CNKSR3: variants seen among roughly 807,000 people sequenced by gnomAD.
CNKSR3 encodes connector enhancer of kinase suppressor of ras 3.
CNKSR3 carries 36 observed loss-of-function variants against 67.7 expected under a neutral mutation model. That is an observed-to-expected ratio of 0.53 (90% CI 0.41 to 0.70). The LOEUF (loss-of-function observed/expected upper bound fraction) is 0.70. Ranked by LOEUF, CNKSR3 falls within the 30% of genes least tolerant of loss-of-function variation. CNKSR3 has a pLI of 0.00. For synonymous variants in CNKSR3, 281 were observed against 271.4 expected, an observed-to-expected ratio of 1.04 and a Z score of -0.35; for missense variants, 630 against 695.2, an observed-to-expected ratio of 0.91 and a Z score of 1.05.
intron 2 of CNKSR3, among the ~76,000 whole-genome samples, chr6:154,448,792 C>T (rs993289848): frequency 4.6e-5 from 7 of 152,210 alleles, no homozygotes; most frequent in African/African-American, 1.7e-4. Flanking sequence ...GAAGAATACA[C>T]ACAATGCAGC....
intron 9 of CNKSR3, among the ~76,000 whole-genome samples, chr6:154,415,227 C>CCTTTTTTTTTTTTTTTTTTTTTTTTTTT (rs773533317): frequency 2.7e-5 from 3 of 112,768 alleles, no homozygotes; most frequent in Non-Finnish European, 5.2e-5. Context: ...ACTAGCTGCC[C>CCTTTTTTTTTTTTTTTTTTTTTTTTTTT]ATTTTTTTTT....
chr6:154,448,908 G>T (rs1785764968), intron 2 of CNKSR3, among the ~76,000 whole-genome samples: 1 of 152,142 alleles, frequency 6.6e-6, no homozygotes, highest in Non-Finnish European at 1.5e-5. Context: ...CCCTGGCTGG[G>T]GTTCAGGGCA....
chr6:154,499,624 G>GT (rs201004872), intron 1 of CNKSR3, among the ~76,000 whole-genome samples: 16 of 152,172 alleles, frequency 1.1e-4, no homozygotes, highest in Non-Finnish European at 1.9e-4. Flanking sequence ...TCTCTACCGG[G>GT]TTTTTTTAAT....
intron 2 of CNKSR3, among the ~76,000 whole-genome samples, chr6:154,444,380 C>G (rs1474998978): frequency 1.3e-5 from 2 of 152,180 alleles, no homozygotes; most frequent in African/African-American, 4.8e-5. Flanking sequence ...TAGTGCTGAG[C>G]TTTTGACCAA....
chr6:154,480,412 C>A (rs551799814), intron 1 of CNKSR3, among the ~76,000 whole-genome samples: 1 of 152,138 alleles, frequency 6.6e-6, no homozygotes. Context: ...CTCTGCTTTC[C>A]CCCTACAGCA....
intron 2 of CNKSR3, among the ~76,000 whole-genome samples, chr6:154,447,528 T>C (rs1374514904): frequency 6.6e-6 from 1 of 152,184 alleles, no homozygotes; most frequent in African/African-American, 2.4e-5. Context: ...CCAAAGTCAA[T>C]GTTCACAAAA....
At position 154,389,054 on chromosome 6, in the gene CNKSR3, C is replaced by T. The variant is rs941685730; in HGVS notation, c.*17300G>A. 6.6e-6 allele frequency: 1 copy of T among 151,356 alleles called. No homozygotes were observed. Among genetic ancestry groups the T allele is most frequent in the East Asian group, 1.9e-4 (1 of 5,162 alleles). 9.4% of individuals were successfully genotyped at this position (151,356 alleles called of 1,614,324 possible). On this transcript the variant is annotated 3_prime_UTR_variant, in exon 13 of 13. Transcript: ENST00000607772. ...TCCCATTTCATAGGTTTTCTTTTCA[C>T]TCTGTTGATTGTTGCCTTTGCTGTG... is the stretch of plus-strand genomic sequence containing the variant.
At chr6:154,408,553 A>G (rs796705476) in intron 12 of CNKSR3, among the ~76,000 whole-genome samples, 3 of 152,358 alleles carry the variant, frequency 2.0e-5, no homozygotes, top group East Asian at 1.9e-4. Flanking sequence ...CACATGTTGC[A>G]TAAGTCTATT....
chr6:154,485,395 A>T (rs772046856), intron 1 of CNKSR3, among the ~76,000 whole-genome samples: 6 of 152,232 alleles, frequency 3.9e-5, no homozygotes, highest in Non-Finnish European at 4.4e-5. Flanking sequence ...TTCTACATTA[A>T]TCACTTACTA....
At chr6:154,429,431 A>G (rs949241910) in intron 6 of CNKSR3, among the ~76,000 whole-genome samples, 1 of 152,178 alleles carries the variant, frequency 6.6e-6, no homozygotes, top group African/African-American at 2.4e-5. Context: ...CATTGCTGGT[A>G]TAACTTTACC....
In CNKSR3 at chr6:154,453,552, T is replaced by C. The variant is rs562376103; in HGVS notation, c.53-3294A>G. On this transcript the variant is annotated intron_variant, in intron 1 of 12. Transcript: ENST00000607772. ...AATCACGTTACTGCCCACATAAGAA[T>C]AGAATGTATTGTAGCCTGAAGACTT... 2.8e-4 allele frequency among the ~76,000 whole-genome samples: 43 copies of C among 152,280 alleles called. No homozygotes were observed. In the South Asian group the frequency reaches 8.3e-3, roughly 29 times the overall value.
In CNKSR3 at chr6:154,471,650, G is replaced by A. The variant is rs890679665; in HGVS notation, c.53-21392C>T. Among the ~76,000 whole-genome samples, 6 of 152,126 alleles carry A rather than the reference G, an allele frequency of 3.9e-5. No homozygotes were observed. The East Asian group carries it at 9.6e-4, about 24-fold the overall frequency. ...TAAAAGAAAAATTTGCAAATAAAAGGTGCTGGAAAAATGACAGCTACAGAG... is the reference window on the plus strand; with the variant it reads ...TAAAAGAAAAATTTGCAAATAAAAGATGCTGGAAAAATGACAGCTACAGAG... On this transcript the variant is annotated intron_variant, in intron 1 of 12. Coordinates refer to ENST00000607772, the MANE Select transcript of CNKSR3 (RefSeq NM_173515.4).
Position 154,393,791 on chromosome 6 carries a change from A to G in CNKSR3, c.*12563T>C, listed in dbSNP as rs1247431280. 1.3e-5 allele frequency: 2 copies of G among 152,204 alleles called. No individual in the cohort carries two copies. Among genetic ancestry groups the G allele is most frequent in the African/African-American group, 4.8e-5 (2 of 41,446 alleles). The allele number at this position is 152,204 out of a possible 1,614,324, so 9.4% of individuals were successfully genotyped here. On this transcript the variant is annotated 3_prime_UTR_variant, in exon 13 of 13. Coordinates refer to ENST00000607772, the MANE Select transcript of CNKSR3 (RefSeq NM_173515.4). ...AGATCAAATAATAAATCATAATAGA[A>G]ATTAAAAATTAGTTAGAATTAAAGA...
At chr6:154,476,173 C>T (rs1324157250) in intron 1 of CNKSR3, among the ~76,000 whole-genome samples, 7 of 152,064 alleles carry the variant, frequency 4.6e-5, no homozygotes, top group African/African-American at 9.7e-5. Flanking sequence ...GACAGACCTT[C>T]GGGCCGGGCG....
intron 5 of CNKSR3, among the ~76,000 whole-genome samples, chr6:154,431,009 T>C (rs1216991764): frequency 3.3e-5 from 5 of 152,126 alleles, no homozygotes; most frequent in Non-Finnish European, 7.4e-5. Context: ...ACTTTACTTT[T>C]TTAAGCTGTT....
At position 154,390,609 on chromosome 6, in the gene CNKSR3, T is replaced by G. The variant is rs966978215; in HGVS notation, c.*15745A>C. The G allele has an allele frequency of 6.6e-6, 1 of 152,190 alleles. No homozygotes were observed. The highest frequency in any genetic ancestry group is 1.5e-5 in the Non-Finnish European group (1 of 68,056). 9.4% of individuals were successfully genotyped at this position (152,190 alleles called of 1,614,324 possible). On this transcript the variant is annotated 3_prime_UTR_variant, in exon 13 of 13. Coordinates refer to ENST00000607772, the MANE Select transcript of CNKSR3 (RefSeq NM_173515.4). ...GGGACACAATTGCCTAGTGCCCCGT[T>G]GTGTCTCTGTTTGGCTCATTTTGAA...
In CNKSR3 at chr6:154,422,565, A is replaced by G. The variant is rs1426788622; in HGVS notation, c.886T>C (p.Ser296Pro). Residue 296 changes from serine (S) to proline (P), a missense_variant, in exon 9 of 13, where the codon TCT becomes CCT. Ser to Pro is a moderately conservative substitution (Grantham distance 74, BLOSUM62 -1). Transcript: ENST00000607772. ...VLLLKKRPTG[S>P]FNFTPAPLKN... ...AGGGGAGCAGGAGTAAAGTTGAAAGACCCGGTGGGGCGCTTCTTAAGCAGT... is the reference window on the plus strand; with the variant it reads ...AGGGGAGCAGGAGTAAAGTTGAAAGGCCCGGTGGGGCGCTTCTTAAGCAGT... 6.2e-7 allele frequency: 1 copy of G among 1,614,062 alleles called. No individual in the cohort carries two copies. Among genetic ancestry groups the G allele is most frequent in the Non-Finnish European group, 8.5e-7 (1 of 1,180,000 alleles).
At chr6:154,467,362 A>G (rs1786225700) in intron 1 of CNKSR3, among the ~76,000 whole-genome samples, 1 of 152,208 alleles carries the variant, frequency 6.6e-6, no homozygotes, top group African/African-American at 2.4e-5. Flanking sequence ...ATATTTATTT[A>G]GCCAGGACAT....
Position 154,460,446 on chromosome 6 carries a change from C to T in CNKSR3, c.53-10188G>A, listed in dbSNP as rs143289486. On this transcript the variant is annotated intron_variant, in intron 1 of 12. Transcript: ENST00000607772. ...TATCTCACAGCAGACATTAAAAATG[C>T]AAAATGAGAGACTCTAAAGACAAAA... Among the ~76,000 whole-genome samples, 1,216 of 152,232 alleles carry T rather than the reference C, an allele frequency of 8.0e-3. 9 individuals are homozygous for T. Among genetic ancestry groups the T allele is most frequent in the Non-Finnish European group, 0.013 (913 of 68,018 alleles).
Sources: gnomAD v4.1 joint callset for allele counts (sites outside exome capture counted in the v4.1 genomes callset) on GRCh38, gnomAD v4.1.1 for gene constraint, MANE v1.5 for transcripts, NCBI Gene and HGNC (gene_info 2026-07-23, HGNC 2026-07-21) for gene names.